Variants in STS observed in about 807,000 individuals in gnomAD.
The protein encoded by STS is steroid sulfatase, also known as steryl-sulfatase.
Under a neutral mutation model 26.8 loss-of-function variants are expected in STS, and 7 were observed. The observed-to-expected ratio is 0.26, with a 90% CI of 0.15 to 0.49. The LOEUF is 0.49. Ranked by LOEUF, STS falls within the 20% of genes least tolerant of loss-of-function variation. The probability of loss-of-function intolerance (pLI) is 0.98; values close to 1 mark genes in which losing one functional copy is unlikely to be tolerated. For synonymous variants in STS, 199 were observed against 189.4 expected (o/e 1.05, Z -0.42); for missense variants, 434 against 465.6 (o/e 0.93, Z 0.63).
At chrX:7,215,083 A>G (rs1309584796) in intron 2 of STS, among the ~76,000 whole-genome samples, 1 of 91,872 alleles carries the variant, frequency 1.1e-5, no homozygotes, top group Non-Finnish European at 2.1e-5. Flanking sequence ...GTATATATGT[A>G]TACGTATATA....
chrX:7,161,099 G>A (rs780242356), intron 1 of STS, among the ~76,000 whole-genome samples: 2 of 107,385 alleles, frequency 1.9e-5, no homozygotes, highest in East Asian at 5.9e-4. Flanking sequence ...AGGATTACAG[G>A]CATGTGCCAC....
chrX:7,162,454 G>A (rs1238686366), intron 1 of STS, among the ~76,000 whole-genome samples: 1 of 111,694 alleles, frequency 9.0e-6, no homozygotes, highest in Non-Finnish European at 1.9e-5. Flanking sequence ...AGAAAGCCCA[G>A]GGGGATGGAA....
chrX:7,172,224 G>C (rs1933481790), intron 1 of STS, among the ~76,000 whole-genome samples: 1 of 111,545 alleles, frequency 9.0e-6, no homozygotes, highest in Non-Finnish European at 1.9e-5. Flanking sequence ...CCTATAATCA[G>C]TAATTGTATT....
Position 7,324,607 on chromosome X carries a change from T to C in STS, c.1082-732T>C, listed in dbSNP as rs80207693. 1.3e-4 allele frequency among the ~76,000 whole-genome samples: 15 copies of C among 111,454 alleles called. No individual in the cohort carries two copies. The East Asian group carries it at 1.7e-3, about 13-fold the overall frequency. On this transcript the variant is annotated intron_variant, in intron 8 of 10. Coordinates refer to ENST00000674429, the MANE Select transcript of STS (RefSeq NM_001320752.2). ...ATCTTATGGCTACAAACAGTCTGTT[T>C]TGTCAGTCTTAAGGTCTGTGTTTTA...
intron 7 of STS, among the ~76,000 whole-genome samples, chrX:7,297,462 T>G (rs1194256566): frequency 8.9e-6 from 1 of 111,769 alleles, no homozygotes; most frequent in Non-Finnish European, 1.9e-5. Flanking sequence ...AAAAATTGTT[T>G]AAGTTAATCT....
chrX:7,204,818 C>G (rs1243270578), intron 2 of STS, among the ~76,000 whole-genome samples: 1 of 105,633 alleles, frequency 9.5e-6, no homozygotes, highest in Non-Finnish European at 2.0e-5. Flanking sequence ...TCCTTTCTTT[C>G]CATCCCTTCT....
chrX:7,305,252 T>C, intron 8 of STS, 69 bp downstream of exon 8: 1 of 1,179,133 alleles, frequency 8.5e-7, no homozygotes. Flanking sequence ...TTCTTGATTT[T>C]CGAGCTTTTC....
Position 7,156,081 on chromosome X carries a change from G to T in STS, c.-134+7998G>T, listed in dbSNP as rs1349510846. On this transcript the variant is annotated intron_variant, in intron 1 of 10. Coordinates refer to ENST00000674429, the MANE Select transcript of STS (RefSeq NM_001320752.2). Reference sequence around the variant, plus strand: ...ATGGGAGGATTGCTTAAGCCTGGGAGGTCGAGGCTGCAGTGAGCTCTGATC... The same window carrying T: ...ATGGGAGGATTGCTTAAGCCTGGGATGTCGAGGCTGCAGTGAGCTCTGATC... 3.6e-5 allele frequency among the ~76,000 whole-genome samples: 4 copies of T among 109,914 alleles called. No individual in the cohort carries two copies. In the East Asian group the frequency reaches 1.1e-3, roughly 31 times the overall value.
intron 7 of STS, among the ~76,000 whole-genome samples, chrX:7,288,596 A>G (rs1237804853): frequency 9.2e-6 from 1 of 108,213 alleles, no homozygotes; most frequent in African/African-American, 3.4e-5. Context: ...ATATGGCTTC[A>G]TGCTTTACAG....
intron 9 of STS, among the ~76,000 whole-genome samples, chrX:7,331,518 C>T (rs373103468): frequency 9.0e-6 from 1 of 111,127 alleles, no homozygotes; most frequent in Non-Finnish European, 1.9e-5. Context: ...AGAAAAATCC[C>T]GTTAGACTGT....
intron 2 of STS, among the ~76,000 whole-genome samples, chrX:7,208,792 G>C (rs1920970099): frequency 8.9e-6 from 1 of 111,808 alleles, no homozygotes; most frequent in Admixed American, 9.6e-5. Flanking sequence ...TAAGCACAAA[G>C]TGGGTTTCAC....
At chrX:7,256,187 A>T (rs1292496249) in intron 3 of STS, among the ~76,000 whole-genome samples, 1 of 112,048 alleles carries the variant, frequency 8.9e-6, no homozygotes. Flanking sequence ...GGACGTGGAT[A>T]TATCTTGTGG....
chrX:7,236,868 A>G (rs1170102753), intron 2 of STS, among the ~76,000 whole-genome samples: 1 of 44,200 alleles, frequency 2.3e-5, no homozygotes, highest in Non-Finnish European at 3.9e-5. Context: ...GTAGATCCAT[A>G]AAGACCATCC....
chrX:7,324,809 G>C (rs146366233), intron 8 of STS, among the ~76,000 whole-genome samples: 3,726 of 111,330 alleles, frequency 0.033, 136 homozygotes, highest in African/African-American at 0.11. Context: ...TTTTATTTTT[G>C]GTTTACAACC....
intron 5 of STS, among the ~76,000 whole-genome samples, chrX:7,258,982 T>C (rs1206653989): frequency 8.9e-6 from 1 of 111,786 alleles, no homozygotes; most frequent in Non-Finnish European, 1.9e-5. Flanking sequence ...GCTAGTTTTC[T>C]TTTTGGATTT....
In STS at chrX:7,343,186, C is replaced by G. The variant is rs745636008; in HGVS notation, c.1364-6702C>G. 2.7e-5 allele frequency among the ~76,000 whole-genome samples: 3 copies of G among 111,654 alleles called. No individual in the cohort carries two copies. The Admixed American group carries it at 2.8e-4, about 11-fold the overall frequency. ...ATATACATGCAGTCTTCCAAGCACC[C>G]AAAATAAATCTCGCCAAAACTACCA... On this transcript the variant is annotated intron_variant, in intron 10 of 10. Transcript: ENST00000674429.
In STS at chrX:7,282,611, T is replaced by A. The variant is rs188988674; in HGVS notation, c.943+6524T>A. Among the ~76,000 whole-genome samples, 11 of 112,368 alleles carry A rather than the reference T, an allele frequency of 9.8e-5. No homozygotes were observed. In the East Asian group the frequency reaches 3.1e-3, roughly 31 times the overall value. On this transcript the variant is annotated intron_variant, in intron 7 of 10. Transcript: ENST00000674429. The stretch of plus-strand genomic sequence containing the variant: ...AATACAGAGTTTCTGCAGATGCAAA[T>A]CTCCCCCACAAAAACAGCTCTCCTT...
At chrX:7,275,827 A>G in intron 6 of STS, 124 bp from the exon 7 acceptor site, 3 of 836,581 alleles carry the variant, frequency 3.6e-6, no homozygotes, top group South Asian at 4.6e-5. Context: ...TTAACTTGTA[A>G]TATTTTGTGA....
chrX:7,292,008 G>A (rs1925441753), intron 7 of STS, among the ~76,000 whole-genome samples: 1 of 111,992 alleles, frequency 8.9e-6, no homozygotes, highest in East Asian at 2.8e-4. Flanking sequence ...CCATACTTTA[G>A]GAAGAAAAAA....
Sources: gnomAD v4.1 joint callset for allele counts (sites outside exome capture counted in the v4.1 genomes callset) on GRCh38, gnomAD v4.1.1 for gene constraint, MANE v1.5 for transcripts, NCBI Gene and HGNC (gene_info 2026-07-23, HGNC 2026-07-21) for gene names.